The following RAD52 variants were observed in gnomAD, a reference collection of about 807,000 sequenced individuals.
RAD52 encodes the protein RAD52 DNA repair protein.
RAD52 carries 47 observed loss-of-function variants against 55.5 expected under a neutral mutation model. The ratio of observed to expected loss-of-function variants is 0.85; its 90% CI spans 0.67 to 1.08. The LOEUF is 1.08. Ranked by LOEUF, RAD52 falls within the 50% of genes least tolerant of loss-of-function variation. RAD52 has a pLI of 0.00. For synonymous variants in RAD52, 184 were observed against 198.9 expected (o/e 0.92, Z 0.63); for missense variants, 468 against 522.8 (o/e 0.90, Z 1.02).
chr12:912,390 GGC>G lies in RAD52; in HGVS notation c.*999_*1000del, dbSNP rs911834605. ...TTCATGCACAAAATTATGTGTATGA[GGC>G]ATATACACGAAACACAGGTGAATTC... On this transcript the variant is annotated 3_prime_UTR_variant, in exon 12 of 12. Coordinates refer to ENST00000358495, the MANE Select transcript of RAD52 (RefSeq NM_134424.4). 4.9e-6 allele frequency: 1 copy of G among 203,554 alleles called. No individual in the cohort carries two copies. The highest frequency in any genetic ancestry group is 2.3e-5 in the African/African-American group (1 of 43,616). 12.6% of individuals were successfully genotyped at this position (203,554 alleles called of 1,614,324 possible).
Position 925,538 on chromosome 12 carries a change from G to C in RAD52, c.468-13C>G. 6.3e-7 allele frequency: 1 copy of C among 1,594,508 alleles called. No individual in the cohort carries two copies. Among genetic ancestry groups the C allele is most frequent in the Non-Finnish European group, 8.6e-7 (1 of 1,163,592 alleles). The stretch of plus-strand genomic sequence containing the variant: ...ATTCCCAAAACTCCTAAGGGCAAGA[G>C]AAAAAAAGGTGAAACAGGGTTAAGA... On this transcript the variant is annotated splice_polypyrimidine_tract_variant and intron_variant, in intron 6 of 11. Coordinates refer to ENST00000358495, the MANE Select transcript of RAD52 (RefSeq NM_134424.4).
intron 6 of RAD52, 100 bp from the exon 7 acceptor site, chr12:925,625 G>T: frequency 1.1e-6 from 1 of 927,082 alleles, no homozygotes; most frequent in Non-Finnish European, 1.7e-6. Context: ...CTTCTCAGGA[G>T]CAGCAGAGGA....
At chr12:915,050 T>C (rs2154107939) in intron 9 of RAD52, among the ~76,000 whole-genome samples, 1 of 152,298 alleles carries the variant, frequency 6.6e-6, no homozygotes, top group East Asian at 1.9e-4. Context: ...GGAGGATCAC[T>C]TGAGCTCAGG....
intron 7 of RAD52, among the ~76,000 whole-genome samples, chr12:917,865 G>A (rs1956490676): frequency 6.6e-6 from 1 of 152,014 alleles, no homozygotes; most frequent in South Asian, 2.1e-4. Context: ...ACTTAAACCT[G>A]GGAGACAGAG....
chr12:964,558 C>CA (rs780227619), intron 1 of RAD52, among the ~76,000 whole-genome samples: 12 of 151,262 alleles, frequency 7.9e-5, no homozygotes, highest in African/African-American at 1.2e-4. Flanking sequence ...AACAACAACA[C>CA]AAAAAAAACA....
upstream of RAD52, chr12:990,955 G>GTGTC (rs1400096264): frequency 6.6e-6 from 1 of 150,660 alleles, no homozygotes; most frequent in Non-Finnish European, 1.5e-5. Context: ...GTGTGTGAGT[G>GTGTC]TGTGTGTGTG....
intron 5 of RAD52, 152 bp from the exon 6 acceptor site, chr12:927,415 C>CGCG: frequency 1.5e-6 from 1 of 677,836 alleles, no homozygotes; most frequent in Non-Finnish European, 2.6e-6. Context: ...GAGAATCCAT[C>CGCG]GCGAGTGCTG....
chr12:925,671 G>T, intron 6 of RAD52, 146 bp from the exon 7 acceptor site: 1 of 659,028 alleles, frequency 1.5e-6, no homozygotes, highest in Non-Finnish European at 2.7e-6. Context: ...TTGATGTCTG[G>T]TAAGCATCTA....
At chr12:922,220 A>C (rs1224411349) in intron 7 of RAD52, among the ~76,000 whole-genome samples, 1 of 151,442 alleles carries the variant, frequency 6.6e-6, no homozygotes, top group Non-Finnish European at 1.5e-5. Context: ...AAAACCAAAA[A>C]CTCAGAAAAT....
chr12:981,303 A>G (rs1364122628), intron 1 of RAD52, among the ~76,000 whole-genome samples: 2 of 152,184 alleles, frequency 1.3e-5, no homozygotes, highest in African/African-American at 2.4e-5. Context: ...ACTGCACTCC[A>G]GCCTGGGTGA....
At chr12:954,136 G>GT (rs1422962968), upstream of RAD52, among the ~76,000 whole-genome samples, 1 of 152,082 alleles carries the variant, frequency 6.6e-6, no homozygotes, top group East Asian at 1.9e-4. Context: ...TGGTTTTCTG[G>GT]TTTTTTAATT....
At chr12:944,370 G>A (rs991642844) in intron 1 of RAD52, among the ~76,000 whole-genome samples, 6 of 151,788 alleles carry the variant, frequency 4.0e-5, no homozygotes, top group Admixed American at 2.0e-4. Flanking sequence ...AACGTTAGTC[G>A]GGCATGGTGG....
intron 1 of RAD52, among the ~76,000 whole-genome samples, chr12:947,419 G>A (rs1188704225): frequency 2.0e-5 from 3 of 151,806 alleles, no homozygotes; most frequent in Admixed American, 1.3e-4. Flanking sequence ...AGGCCGAGGC[G>A]GGTGGATCAC....
At chr12:935,579 C>A (rs540092729) in intron 1 of RAD52, among the ~76,000 whole-genome samples, 2 of 151,290 alleles carry the variant, frequency 1.3e-5, no homozygotes, top group Admixed American at 6.6e-5. Context: ...CAGGGCCGGG[C>A]GTGGTGGCTC....
At position 955,230 on chromosome 12, in the gene RAD52, T is replaced by C. The variant is rs533222769; in HGVS notation, c.-18-22154A>G. 9.8e-5 allele frequency among the ~76,000 whole-genome samples: 15 copies of C among 152,340 alleles called. No individual in the cohort carries two copies. The East Asian group carries it at 2.5e-3, about 25-fold the overall frequency. ...AGATTTATATGCATACAAAATCCTA[T>C]GTATGATGACTTCTAAATAGAGGAC... On this transcript the variant is annotated intron_variant, in intron 1 of 11. Transcript: ENST00000430095.
At chr12:948,736 G>C (rs1295460072) in intron 1 of RAD52, among the ~76,000 whole-genome samples, 3 of 151,044 alleles carry the variant, frequency 2.0e-5, no homozygotes, top group African/African-American at 4.9e-5. Context: ...TTCTCGCTCT[G>C]TCCCCCAGGC....
intron 7 of RAD52, among the ~76,000 whole-genome samples, chr12:919,744 C>T (rs1198815237): frequency 2.9e-5 from 3 of 103,920 alleles, no homozygotes; most frequent in African/African-American, 4.3e-5. Context: ...GAGCAAGACT[C>T]TGTCTAAAAA....
At chr12:971,174 A>C (rs565241452) in intron 1 of RAD52, among the ~76,000 whole-genome samples, 9 of 152,320 alleles carry the variant, frequency 5.9e-5, no homozygotes, top group African/African-American at 2.2e-4. Flanking sequence ...ATTGGGGCCT[A>C]ATATTTCCCT....
intron 1 of RAD52, among the ~76,000 whole-genome samples, chr12:961,510 G>A (rs1175361498): frequency 6.6e-6 from 1 of 151,790 alleles, no homozygotes; most frequent in Non-Finnish European, 1.5e-5. Flanking sequence ...ATTAGGGTGG[G>A]CCCTAATCTA....
Sources: gnomAD v4.1 joint callset for allele counts (sites outside exome capture counted in the v4.1 genomes callset) on GRCh38, gnomAD v4.1.1 for gene constraint, MANE v1.5 for transcripts, NCBI Gene and HGNC (gene_info 2026-07-23, HGNC 2026-07-21) for gene names.